Variants in ANKFN1 observed in about 807,000 individuals in gnomAD.
ANKFN1 encodes the protein ankyrin repeat and fibronectin type III domain containing 1.
A neutral mutation model predicts 108.7 loss-of-function variants in ANKFN1; 74 were observed. The observed-to-expected ratio is 0.68, with a 90% CI of 0.56 to 0.83. ANKFN1 has a LOEUF of 0.83. Among genes scored for constraint, ANKFN1 ranks in the 40% least tolerant of loss-of-function variants. ANKFN1 has a pLI of 0.00. For missense variants in ANKFN1, 1,505 were observed against 1,382.3 expected (o/e 1.09, Z -1.41); for synonymous variants, 547 against 516.2 (o/e 1.06, Z -0.81).
intron 3 of ANKFN1, among the ~76,000 whole-genome samples, chr17:56,247,645 A>G (rs1459496221): frequency 6.6e-6 from 1 of 152,200 alleles, no homozygotes; most frequent in Non-Finnish European, 1.5e-5. Flanking sequence ...TGAAGGTCAA[A>G]GAGGAATCAT....
chr17:56,489,054 A>T (rs2050945280), intron 18 of ANKFN1, among the ~76,000 whole-genome samples: 1 of 152,192 alleles, frequency 6.6e-6, no homozygotes, highest in Non-Finnish European at 1.5e-5. Context: ...TCACGTGCCC[A>T]CTGTCACACA....
intron 4 of ANKFN1, among the ~76,000 whole-genome samples, chr17:56,127,284 T>C (rs1906994287): frequency 6.6e-6 from 1 of 152,170 alleles, no homozygotes; most frequent in Middle Eastern, 3.2e-3. Flanking sequence ...GTCTGTCTGA[T>C]TGATTCCAAG....
intron 2 of ANKFN1, among the ~76,000 whole-genome samples, chr17:56,225,570 C>A (rs1401602073): frequency 6.6e-6 from 1 of 152,154 alleles, no homozygotes; most frequent in South Asian, 2.1e-4. Flanking sequence ...TATTAGGGCC[C>A]AACACAGTGC....
intron 1 of ANKFN1, among the ~76,000 whole-genome samples, chr17:56,173,256 G>A (rs973573093): frequency 5.3e-5 from 8 of 152,104 alleles, no homozygotes; most frequent in African/African-American, 1.4e-4. Flanking sequence ...GCCACCTGGC[G>A]GTTGTCCACA....
In ANKFN1 at chr17:56,365,155, A is replaced by G. The variant is rs182864727; in HGVS notation, c.602-7491A>G. ...CAAAAATAAATTTTATTAACTGCCCAGAGTATATTTGTTACAATGCAACGT... is the reference window on the plus strand; with the variant it reads ...CAAAAATAAATTTTATTAACTGCCCGGAGTATATTTGTTACAATGCAACGT... On this transcript the variant is annotated intron_variant, in intron 6 of 20. Coordinates refer to ENST00000682825, the MANE Select transcript of ANKFN1 (RefSeq NM_001370326.1). Among the ~76,000 whole-genome samples the G allele has an allele frequency of 3.5e-4, 53 of 152,322 alleles. 1 individual carries two copies. In the East Asian group the frequency reaches 9.2e-3, roughly 27 times the overall value.
intron 1 of ANKFN1, among the ~76,000 whole-genome samples, chr17:56,177,075 C>T (rs1043821071): frequency 3.9e-5 from 6 of 152,196 alleles, no homozygotes; most frequent in African/African-American, 1.4e-4. Context: ...GGGATTTCCC[C>T]AGAGCCCCCA....
intron 3 of ANKFN1, among the ~76,000 whole-genome samples, chr17:56,325,800 A>G (rs753594978): frequency 2.3e-4 from 35 of 152,132 alleles, no homozygotes; most frequent in African/African-American, 7.2e-5. Context: ...GATCATTTGC[A>G]CTCACAGATT....
intron 8 of ANKFN1, among the ~76,000 whole-genome samples, chr17:56,402,029 C>A (rs2047780253): frequency 2.0e-5 from 3 of 152,122 alleles, no homozygotes; most frequent in African/African-American, 7.2e-5. Context: ...ATCTCTGCAT[C>A]CCTGGTGTGA....
intron 4 of ANKFN1, among the ~76,000 whole-genome samples, chr17:56,124,363 C>A (rs1906800552): frequency 6.6e-6 from 1 of 152,178 alleles, no homozygotes; most frequent in Non-Finnish European, 1.5e-5. Flanking sequence ...GCCACAGAAT[C>A]CATGCTGCTT....
intron 20 of ANKFN1, among the ~76,000 whole-genome samples, chr17:56,499,724 G>A (rs2051309215): frequency 6.6e-6 from 1 of 152,080 alleles, no homozygotes; most frequent in African/African-American, 2.4e-5. Flanking sequence ...CCACCCTTGA[G>A]TATGAAGTCT....
chr17:56,273,367 T>C (rs978194522), intron 3 of ANKFN1, among the ~76,000 whole-genome samples: 3 of 152,200 alleles, frequency 2.0e-5, no homozygotes, highest in African/African-American at 7.2e-5. Context: ...TGGATTTTTT[T>C]CCCAATTTTT....
intron 3 of ANKFN1, among the ~76,000 whole-genome samples, chr17:56,267,395 G>T (rs1377802687): frequency 6.6e-6 from 1 of 152,166 alleles, no homozygotes; most frequent in Non-Finnish European, 1.5e-5. Flanking sequence ...TACTTTTGCT[G>T]TGCAGAAGCT....
At position 56,457,850 on chromosome 17, in the gene ANKFN1, C is replaced by T; in HGVS notation, c.1441-13C>T. 4 of 1,592,410 alleles carry T rather than the reference C, an allele frequency of 2.5e-6. No homozygotes were observed. The highest frequency in any genetic ancestry group is 3.4e-6 in the Non-Finnish European group (4 of 1,161,206). Reference sequence around the variant, plus strand: ...GCTTGGACGATGACATGATTGCATGCCTTCTTTTGCAGCTGTCTTGTATGT... The same window carrying T: ...GCTTGGACGATGACATGATTGCATGTCTTCTTTTGCAGCTGTCTTGTATGT... On this transcript the variant is annotated splice_polypyrimidine_tract_variant and intron_variant, in intron 13 of 20. Transcript: ENST00000682825.
chr17:56,398,882 T>C (rs1449980672), intron 8 of ANKFN1, among the ~76,000 whole-genome samples: 1 of 152,174 alleles, frequency 6.6e-6, no homozygotes, highest in African/African-American at 2.4e-5. Context: ...AATTATAATG[T>C]GCAGTATAAA....
At chr17:56,289,897 A>G (rs1045790597) in intron 3 of ANKFN1, among the ~76,000 whole-genome samples, 3 of 152,130 alleles carry the variant, frequency 2.0e-5, no homozygotes, top group Non-Finnish European at 4.4e-5. Context: ...AAGCTCTTTC[A>G]TATACTTGGT....
At chr17:56,469,183 C>T (rs898147873) in intron 15 of ANKFN1, among the ~76,000 whole-genome samples, 3 of 152,012 alleles carry the variant, frequency 2.0e-5, no homozygotes, top group Non-Finnish European at 2.9e-5. Flanking sequence ...AATTTACCCC[C>T]GCTGACTGGC....
At chr17:56,152,262 A>ATG (rs200366444), upstream of ANKFN1, among the ~76,000 whole-genome samples, 1,436 of 77,802 alleles carry the variant, frequency 0.018, 29 homozygotes, top group African/African-American at 0.049. Context: ...ATATATATAT[A>ATG]TGTGTGTGTG....
intron 10 of ANKFN1, among the ~76,000 whole-genome samples, chr17:56,443,794 C>A (rs752346183): frequency 6.6e-6 from 1 of 152,224 alleles, no homozygotes; most frequent in Non-Finnish European, 1.5e-5. Flanking sequence ...TATCTCCAGA[C>A]ATATCATACC....
At chr17:56,222,595 T>G (rs1915965191) in intron 2 of ANKFN1, among the ~76,000 whole-genome samples, 1 of 152,116 alleles carries the variant, frequency 6.6e-6, no homozygotes, top group South Asian at 2.1e-4. Context: ...TACAAAGGAA[T>G]GATCGGAGAA....
Sources: allele counts gnomAD v4.1 joint callset (sites outside exome capture counted in the v4.1 genomes callset), GRCh38; gene constraint gnomAD v4.1.1; transcripts MANE v1.5; gene names NCBI Gene and HGNC (gene_info 2026-07-23, HGNC 2026-07-21).